Variants in CHORDC1 observed in about 807,000 individuals in gnomAD.
The protein encoded by CHORDC1 is cysteine and histidine rich domain containing 1, also known as cysteine and histidine-rich domain-containing protein 1.
A neutral mutation model predicts 48.3 loss-of-function variants in CHORDC1; 25 were observed. The ratio of observed to expected loss-of-function variants is 0.52; its 90% CI spans 0.38 to 0.72. The LOEUF is 0.72. Among genes scored for constraint, CHORDC1 ranks in the 30% least tolerant of loss-of-function variants. The pLI, the probability that CHORDC1 is intolerant of heterozygous loss-of-function variation, is 0.00. For missense variants in CHORDC1, 317 were observed against 388.7 expected (o/e 0.82, Z 1.55); for synonymous variants, 128 against 126.4 (o/e 1.01, Z -0.09).
At chr11:90,207,774 A>C (rs976923051) in intron 6 of CHORDC1, 9 of 148,806 alleles carry the variant, frequency 6.0e-5, no homozygotes, top group African/African-American at 2.2e-4. Context: ...AAAAAAAAAA[A>C]AAAACAAAAA....
intron 1 of CHORDC1, among the ~76,000 whole-genome samples, chr11:90,221,397 C>T (rs1228819372): frequency 1.3e-5 from 2 of 152,176 alleles, no homozygotes; most frequent in Non-Finnish European, 2.9e-5. Context: ...AATTTCTCTG[C>T]TGTAACTAGT....
intron 1 of CHORDC1, 43 bp downstream of exon 1, chr11:90,222,845 CTGA>C: frequency 1.3e-6 from 2 of 1,566,964 alleles, no homozygotes; most frequent in South Asian, 2.2e-5. Context: ...GCCTCCCCTG[CTGA>C]TGAGGTGGAG....
chr11:90,221,594 A>G (rs140767184), intron 1 of CHORDC1, among the ~76,000 whole-genome samples: 124 of 152,344 alleles, frequency 8.1e-4, no homozygotes, highest in African/African-American at 2.8e-3. Context: ...TGCAGACATA[A>G]GTGCAATTAA....
Position 90,206,289 on chromosome 11 carries a change from G to C in CHORDC1, c.493-17C>G. The stretch of plus-strand genomic sequence containing the variant: ...CTGGTATGTCTAAAAAGGAAACAAA[G>C]AGAAAAAAAATTAGCTGCGTATCTT... On this transcript the variant is annotated splice_polypyrimidine_tract_variant and intron_variant, in intron 6 of 10. Transcript: ENST00000320585. The C allele has an allele frequency of 1.4e-6, 2 of 1,390,850 alleles. No individual in the cohort carries two copies. Among genetic ancestry groups the C allele is most frequent in the Non-Finnish European group, 1.0e-6 (1 of 980,850 alleles). 86.2% of individuals were successfully genotyped at this position (1,390,850 alleles called of 1,614,324 possible). A position where few individuals can be genotyped will look rare whatever the true frequency, so the allele number is the denominator to read the frequency against.
rs1241313735 is a variant in CHORDC1 at position 90,211,243 on chromosome 11, CAGTTTA to C, written c.399_404del (p.Lys134_Leu135del). The stretch of plus-strand genomic sequence containing the variant: ...TCTTATTTTCTTCATTCCCTGATGA[CAGTTTA>C]AGTTTATCAAGTGCTTGTTTTAGGG... On this transcript the variant is annotated inframe_deletion, in exon 5 of 11. Transcript: ENST00000320585. 29 of 1,594,206 alleles carry C rather than the reference CAGTTTA, an allele frequency of 1.8e-5. No individual in the cohort carries two copies. Among genetic ancestry groups the C allele is most frequent in the South Asian group, 8.9e-5 (8 of 89,772 alleles).
At chr11:90,207,761 C>CAAAAAAAAAAAAAAAAAAAAAAAA (rs71055890) in intron 6 of CHORDC1, 8 of 52,750 alleles carry the variant, frequency 1.5e-4, no homozygotes, top group East Asian at 1.6e-3. Flanking sequence ...GGTTAAAATA[C>CAAAAAAAAAAAAAAAAAAAAAAAA]AAAAAAAAAA....
At chr11:90,215,030 G>A in intron 3 of CHORDC1, 144 bp downstream of exon 3, 1 of 452,438 alleles carries the variant, frequency 2.2e-6, no homozygotes, top group Non-Finnish European at 4.0e-6. Flanking sequence ...CTGTGGAAGG[G>A]AGATGAGCTG....
rs867176133 is a variant in CHORDC1 at position 90,206,596 on chromosome 11, C to G, written c.493-324G>C. 9.5e-5 allele frequency: 34 copies of G among 356,904 alleles called. No homozygotes were observed. In the Middle Eastern group the frequency reaches 4.8e-3, roughly 51 times the overall value. 22.1% of individuals were successfully genotyped at this position (356,904 alleles called of 1,614,324 possible). Reference sequence around the variant, plus strand: ...ATGTTGAAACCAAGGGATTAATACTCTCAATAAAAATACAGTTACTGCATG... The same window carrying G: ...ATGTTGAAACCAAGGGATTAATACTGTCAATAAAAATACAGTTACTGCATG... On this transcript the variant is annotated intron_variant, in intron 6 of 10. Transcript: ENST00000320585.
At chr11:90,209,759 G>C (rs2135038916) in intron 6 of CHORDC1, among the ~76,000 whole-genome samples, 1 of 152,230 alleles carries the variant, frequency 6.6e-6, no homozygotes, top group Non-Finnish European at 1.5e-5. Flanking sequence ...CAATCCCACT[G>C]TCTGGTCTTC....
chr11:90,213,870 G>T, intron 4 of CHORDC1, 148 bp downstream of exon 4: 1 of 625,744 alleles, frequency 1.6e-6, no homozygotes, highest in Non-Finnish European at 2.7e-6. Flanking sequence ...AAAATTTAAG[G>T]CAGATTTAAG....
chr11:90,206,885 T>G (rs923443768), intron 6 of CHORDC1: 1 of 579,388 alleles, frequency 1.7e-6, no homozygotes, highest in Admixed American at 2.8e-5. Context: ...ATTTTTGTAT[T>G]TATAGCACTA....
At chr11:90,203,835 AC>A (rs1857602108) in intron 8 of CHORDC1, among the ~76,000 whole-genome samples, 1 of 152,150 alleles carries the variant, frequency 6.6e-6, no homozygotes, top group Admixed American at 6.6e-5. Flanking sequence ...CAACACCTTA[AC>A]CTCATGCACT....
At chr11:90,218,067 T>C in intron 2 of CHORDC1, 68 bp downstream of exon 2, 1 of 1,152,880 alleles carries the variant, frequency 8.7e-7, no homozygotes, top group South Asian at 1.6e-5. Context: ...GATGAGAAAA[T>C]AAAGATTTAG....
rs1857523718 is a variant in CHORDC1 at position 90,200,656 on chromosome 11, G to T, written c.*1749C>A. 6.6e-6 allele frequency among the ~76,000 whole-genome samples: 1 copy of T among 151,840 alleles called. No homozygotes were observed. The highest frequency in any genetic ancestry group is 2.1e-4 in the South Asian group (1 of 4,828). On this transcript the variant is annotated 3_prime_UTR_variant, in exon 11 of 11. Coordinates refer to ENST00000320585, the MANE Select transcript of CHORDC1 (RefSeq NM_012124.3). ...AAAAGCTACATATGTATGTGTGTGT[G>T]TGTGTGTATAAATCAATGTTTTGAT...
chr11:90,204,823 C>A (rs1338347983), intron 8 of CHORDC1, among the ~76,000 whole-genome samples: 1 of 151,970 alleles, frequency 6.6e-6, no homozygotes, highest in Non-Finnish European at 1.5e-5. Context: ...AGCTAACAGA[C>A]AAAAACTTAT....
At chr11:90,212,904 G>A (rs1029197020) in intron 4 of CHORDC1, 3 of 152,054 alleles carry the variant, frequency 2.0e-5, no homozygotes, top group Admixed American at 1.3e-4. Flanking sequence ...TTATGGGCTT[G>A]AGCCACAGTG....
At chr11:90,205,620 C>A in intron 7 of CHORDC1, 55 bp from the exon 8 acceptor site, 1 of 1,110,608 alleles carries the variant, frequency 9.0e-7, no homozygotes, top group Non-Finnish European at 1.3e-6. Context: ...CAATTAAATC[C>A]ACAAGTATTT....
chr11:90,206,105 C>A (rs1028930253), intron 7 of CHORDC1, 97 bp downstream of exon 7: 6 of 777,066 alleles, frequency 7.7e-6, no homozygotes, highest in South Asian at 1.5e-5. Flanking sequence ...AAGTAAAATG[C>A]CTAATAACAC....
At chr11:90,202,959 C>A (rs1410277957) in intron 9 of CHORDC1, 84 bp from the exon 10 acceptor site, 1 of 1,423,600 alleles carries the variant, frequency 7.0e-7, no homozygotes, top group Non-Finnish European at 9.4e-7. Flanking sequence ...ATAAGACTGA[C>A]AAAAATGAAT....
Sources: gnomAD v4.1 joint callset for allele counts (sites outside exome capture counted in the v4.1 genomes callset) on GRCh38, gnomAD v4.1.1 for gene constraint, MANE v1.5 for transcripts, NCBI Gene and HGNC (gene_info 2026-07-23, HGNC 2026-07-21) for gene names.